Variants in DOCK2 observed in about 807,000 individuals in gnomAD.
DOCK2 encodes dedicator of cytokinesis 2.
A neutral mutation model predicts 248.9 loss-of-function variants in DOCK2; 87 were observed. The observed-to-expected ratio is 0.35, with a 90% CI of 0.29 to 0.42. The LOEUF is 0.42. Among genes scored for constraint, DOCK2 ranks in the 10% least tolerant of loss-of-function variants. The probability of loss-of-function intolerance (pLI) is 1.00; values close to 1 mark genes in which losing one functional copy is unlikely to be tolerated. For synonymous variants in DOCK2, 805 were observed against 821.6 expected (o/e 0.98, Z 0.35); for missense variants, 1,747 against 2,300.2 (o/e 0.76, Z 4.92).
chr5:169,810,979 TCTCTC>T (rs1561720735), intron 26 of DOCK2, among the ~76,000 whole-genome samples: 25 of 136,298 alleles, frequency 1.8e-4, no homozygotes, highest in African/African-American at 7.6e-4. Context: ...AGACTCTCTC[TCTCTC>T]TCTCTCACAC....
chr5:170,058,981 C>A (rs996421659), intron 44 of DOCK2, among the ~76,000 whole-genome samples: 2 of 152,134 alleles, frequency 1.3e-5, no homozygotes, highest in African/African-American at 2.4e-5. Flanking sequence ...TGCATGATCT[C>A]ATTTCAACCC....
intron 25 of DOCK2, among the ~76,000 whole-genome samples, chr5:169,793,506 G>C (rs1435302094): frequency 6.6e-6 from 1 of 152,166 alleles, no homozygotes; most frequent in Non-Finnish European, 1.5e-5. Flanking sequence ...TCCCTCATCT[G>C]TAAAATAGGT....
At chr5:169,856,693 G>A (rs1770915856) in intron 27 of DOCK2, among the ~76,000 whole-genome samples, 1 of 152,214 alleles carries the variant, frequency 6.6e-6, no homozygotes, top group Admixed American at 6.5e-5. Flanking sequence ...ATTTCTGTTT[G>A]TAGAATTGAA....
chr5:169,908,338 C>T (rs902574790), intron 27 of DOCK2, among the ~76,000 whole-genome samples: 4 of 151,998 alleles, frequency 2.6e-5, no homozygotes, highest in African/African-American at 9.7e-5. Context: ...GTGTTATTTG[C>T]AAATATAATT....
intron 9 of DOCK2, among the ~76,000 whole-genome samples, chr5:169,691,765 C>G (rs1177908607): frequency 6.6e-6 from 1 of 152,130 alleles, no homozygotes; most frequent in Non-Finnish European, 1.5e-5. Flanking sequence ...ATCTTTGAGC[C>G]TCTCTGAGCC....
chr5:170,028,906 G>T (rs1194411927), intron 34 of DOCK2, among the ~76,000 whole-genome samples: 1 of 152,062 alleles, frequency 6.6e-6, no homozygotes, highest in Admixed American at 6.6e-5. Context: ...CCTTTTAATT[G>T]CCAAATAATA....
intron 2 of DOCK2, among the ~76,000 whole-genome samples, chr5:169,660,437 C>T (rs1055458220): frequency 6.6e-6 from 1 of 152,086 alleles, no homozygotes; most frequent in Non-Finnish European, 1.5e-5. Flanking sequence ...TTTGTTGTTG[C>T]TGTTTTCTAG....
chr5:169,789,326 G>C (rs1766184294), intron 25 of DOCK2, among the ~76,000 whole-genome samples: 1 of 152,230 alleles, frequency 6.6e-6, no homozygotes, highest in Non-Finnish European at 1.5e-5. Context: ...ACGTGTGCAT[G>C]TGTCTTTATA....
At chr5:169,730,448 C>A (rs757953731) in intron 22 of DOCK2, among the ~76,000 whole-genome samples, 13 of 152,068 alleles carry the variant, frequency 8.5e-5, no homozygotes, top group Non-Finnish European at 1.8e-4. Flanking sequence ...ATTTGGACAG[C>A]GAGTCAGAGG....
rs1778098072 is a variant in DOCK2, at chr5:169,987,491, G to A, written c.2993+1569G>A. ...AAAGAGGACTAAATAATGGGCAGGT[G>A]AATGCACAGATGTCCAGCCTTGATC... On this transcript the variant is annotated intron_variant, in intron 29 of 51. Transcript: ENST00000520908. Among the ~76,000 whole-genome samples the A allele has an allele frequency of 3.3e-5, 5 of 152,202 alleles. 1 individual carries two copies. The South Asian group carries it at 1.0e-3, about 32-fold the overall frequency.
intron 26 of DOCK2, among the ~76,000 whole-genome samples, chr5:169,839,725 G>A (rs1769825135): frequency 6.6e-6 from 1 of 152,154 alleles, no homozygotes; most frequent in Admixed American, 6.5e-5. Flanking sequence ...TGGGTAATGT[G>A]GCTTCTATTA....
Position 170,057,563 on chromosome 5 carries a change from C to T in DOCK2, c.4381-17C>T, listed in dbSNP as rs1757175682. ...TTGTTGCTTTCCTGCCCTTGCCACCCCTCTGCCCACGGACAGTCCATGTGG... is the reference window on the plus strand; with the variant it reads ...TTGTTGCTTTCCTGCCCTTGCCACCTCTCTGCCCACGGACAGTCCATGTGG... On this transcript the variant is annotated splice_polypyrimidine_tract_variant and intron_variant, in intron 43 of 51. Coordinates refer to ENST00000520908, the MANE Select transcript of DOCK2 (RefSeq NM_004946.3). 2 of 1,611,864 alleles carry T rather than the reference C, an allele frequency of 1.2e-6. No individual in the cohort carries two copies. The highest frequency in any genetic ancestry group is 1.6e-4 in the Middle Eastern group (1 of 6,082).
intron 26 of DOCK2, among the ~76,000 whole-genome samples, chr5:169,822,251 C>T (rs1768505023): frequency 6.6e-6 from 1 of 152,220 alleles, no homozygotes; most frequent in South Asian, 2.1e-4. Context: ...TTGAACTCAG[C>T]TCTGCACGAA....
chr5:169,841,581 T>C, intron 27 of DOCK2: 1 of 416,574 alleles, frequency 2.4e-6, no homozygotes. Context: ...TTGCCAGGCC[T>C]GAAATGCCTT....
chr5:170,037,950 G>A (rs923786888), intron 36 of DOCK2, among the ~76,000 whole-genome samples: 2 of 152,120 alleles, frequency 1.3e-5, no homozygotes, highest in African/African-American at 2.4e-5. Flanking sequence ...CTGCTATTAC[G>A]GCAGATATAT....
At chr5:170,010,874 T>A (rs925327289) in intron 32 of DOCK2, among the ~76,000 whole-genome samples, 3 of 152,238 alleles carry the variant, frequency 2.0e-5, no homozygotes, top group Non-Finnish European at 4.4e-5. Context: ...CATGGCCTGC[T>A]CTTTTCTGAA....
At chr5:169,804,417 T>C (rs928652123) in intron 26 of DOCK2, among the ~76,000 whole-genome samples, 1 of 149,918 alleles carries the variant, frequency 6.7e-6, no homozygotes, top group African/African-American at 2.5e-5. Flanking sequence ...AGATGCATAT[T>C]TGGGGTACAA....
intron 13 of DOCK2, among the ~76,000 whole-genome samples, chr5:169,700,978 T>C (rs549762183): frequency 9.2e-5 from 14 of 151,780 alleles, no homozygotes; most frequent in Non-Finnish European, 1.8e-4. Flanking sequence ...AAACAGCCTA[T>C]TTTCCAGACA....
At chr5:169,985,465 T>C (rs759913097) in intron 28 of DOCK2, among the ~76,000 whole-genome samples, 2 of 152,038 alleles carry the variant, frequency 1.3e-5, no homozygotes, top group Non-Finnish European at 2.9e-5. Context: ...TAAGAGTTTA[T>C]TTGCTCAATG....
Sources: gnomAD v4.1 joint callset for allele counts (sites outside exome capture counted in the v4.1 genomes callset) on GRCh38, gnomAD v4.1.1 for gene constraint, MANE v1.5 for transcripts, NCBI Gene and HGNC (gene_info 2026-07-23, HGNC 2026-07-21) for gene names.